The following ME3 variants were observed in gnomAD, a reference collection of about 807,000 sequenced individuals.
ME3 encodes malic enzyme 3, also known as NADP-dependent malic enzyme, mitochondrial.
Under a neutral mutation model 68.9 loss-of-function variants are expected in ME3, and 48 were observed. The observed-to-expected ratio is 0.70, with a 90% CI of 0.55 to 0.89. The LOEUF (loss-of-function observed/expected upper bound fraction) is 0.89, where lower values mean the gene tolerates loss of function less well. Ranked by LOEUF, ME3 falls within the 40% of genes least tolerant of loss-of-function variation. ME3 has a pLI of 0.00. For missense variants in ME3, 675 were observed against 797.4 expected (o/e 0.85, Z 1.85); for synonymous variants, 320 against 318.8 (o/e 1.00, Z -0.04).
At chr11:86,604,436 T>G (rs994502347) in intron 2 of ME3, among the ~76,000 whole-genome samples, 4 of 152,040 alleles carry the variant, frequency 2.6e-5, no homozygotes, top group Non-Finnish European at 5.9e-5. Context: ...CATAGGGTTG[T>G]CTCTTACAAG....
intron 2 of ME3, among the ~76,000 whole-genome samples, chr11:86,586,055 G>T (rs1343412803): frequency 6.6e-6 from 1 of 152,214 alleles, no homozygotes; most frequent in Non-Finnish European, 1.5e-5. Flanking sequence ...GGAGTGGTTT[G>T]AGGAAAGTTG....
At chr11:86,539,892 T>A (rs1211157512) in intron 4 of ME3, among the ~76,000 whole-genome samples, 1 of 152,226 alleles carries the variant, frequency 6.6e-6, no homozygotes, top group Non-Finnish European at 1.5e-5. Flanking sequence ...ACACTAAAGA[T>A]AGCTGATGAG....
chr11:86,618,298 T>TAA (rs1943110594), intron 2 of ME3, among the ~76,000 whole-genome samples: 1 of 4,036 alleles, frequency 2.5e-4, no homozygotes, highest in Non-Finnish European at 5.5e-4. Context: ...AGGCTCTGTC[T>TAA]CAAAAAAAAA....
intron 4 of ME3, among the ~76,000 whole-genome samples, chr11:86,555,011 C>A (rs1214442258): frequency 6.6e-6 from 1 of 152,064 alleles, no homozygotes; most frequent in Non-Finnish European, 1.5e-5. Context: ...GGGAGGGCTC[C>A]GTGGAGAAGT....
intron 2 of ME3, among the ~76,000 whole-genome samples, chr11:86,566,824 A>C (rs1957504117): frequency 1.3e-5 from 2 of 152,134 alleles, no homozygotes; most frequent in African/African-American, 4.8e-5. Flanking sequence ...AACCATTTGT[A>C]TTCTTGCCAC....
chr11:86,461,559 A>G (rs1950225636), intron 8 of ME3, among the ~76,000 whole-genome samples: 1 of 152,238 alleles, frequency 6.6e-6, no homozygotes, highest in African/African-American at 2.4e-5. Flanking sequence ...AGCCTCAGCC[A>G]GCTCCATGGG....
chr11:86,661,572 T>G (rs1946280132), intron 2 of ME3, among the ~76,000 whole-genome samples: 1 of 152,248 alleles, frequency 6.6e-6, no homozygotes, highest in African/African-American at 2.4e-5. Context: ...ATGACTATAC[T>G]CAGAGACAAT....
chr11:86,543,289 G>C (rs958849086), intron 4 of ME3, among the ~76,000 whole-genome samples: 1 of 152,194 alleles, frequency 6.6e-6, no homozygotes, highest in African/African-American at 2.4e-5. Context: ...GATAGGATCA[G>C]ATTCACACAT....
intron 2 of ME3, among the ~76,000 whole-genome samples, chr11:86,567,548 A>G (rs1565150516): frequency 6.6e-6 from 1 of 152,180 alleles, no homozygotes; most frequent in Non-Finnish European, 1.5e-5. Flanking sequence ...TAATTATGAC[A>G]TCATCTTTGT....
At chr11:86,524,321 G>A (rs1278118753) in intron 4 of ME3, among the ~76,000 whole-genome samples, 2 of 152,198 alleles carry the variant, frequency 1.3e-5, no homozygotes, top group African/African-American at 4.8e-5. Flanking sequence ...CAGCCAATGA[G>A]TCATTTATTT....
At position 86,472,126 on chromosome 11, in the gene ME3, A is replaced by C. The variant is rs1384230057; in HGVS notation, c.810-6926T>G. On this transcript the variant is annotated intron_variant, in intron 7 of 14. Transcript: ENST00000543262. ...ATGGAAGGAGGGAGGAGGGCATCTC[A>C]AGGAGAGGGAACAGCATATGCATGA... 4.6e-5 allele frequency among the ~76,000 whole-genome samples: 7 copies of C among 151,422 alleles called. No individual in the cohort carries two copies. In the East Asian group the frequency reaches 7.8e-4, roughly 17 times the overall value.
intron 2 of ME3, among the ~76,000 whole-genome samples, chr11:86,595,713 C>G (rs2139690910): frequency 6.6e-6 from 1 of 152,318 alleles, no homozygotes; most frequent in South Asian, 2.1e-4. Context: ...CTCACTATTT[C>G]TACTACACTC....
At chr11:86,446,411 T>G in exon 13 of ME3, 1 of 1,614,208 alleles carries the variant, frequency 6.2e-7, no homozygotes, top group South Asian at 1.1e-5. Flanking sequence ...ATTGTTTCCC[T>G]GCCCAGGAAT....
chr11:86,558,677 G>A (rs996931251), intron 3 of ME3, among the ~76,000 whole-genome samples: 1 of 152,122 alleles, frequency 6.6e-6, no homozygotes, highest in Non-Finnish European at 1.5e-5. Flanking sequence ...TCTAAGAGGG[G>A]GATTCCTTAT....
chr11:86,523,754 A>ACCT (rs143559584), intron 4 of ME3, among the ~76,000 whole-genome samples: 178 of 152,152 alleles, frequency 1.2e-3, no homozygotes, highest in African/African-American at 4.1e-3. Flanking sequence ...AAGGCCTTGA[A>ACCT]CCTCCATCAC....
At chr11:86,563,196 T>C (rs1957324705) in intron 2 of ME3, among the ~76,000 whole-genome samples, 1 of 152,190 alleles carries the variant, frequency 6.6e-6, no homozygotes, top group African/African-American at 2.4e-5. Context: ...AGTAATGGGA[T>C]TGCTGGGTCC....
Position 86,513,877 on chromosome 11 carries a change from AC to A in ME3, c.468-5011del, listed in dbSNP as rs537876926. On this transcript the variant is annotated intron_variant, in intron 4 of 14. Coordinates refer to ENST00000543262, the Ensembl canonical transcript of ME3. ...TTTAGCCTATTTTCACTCAGAAGAT[AC>A]CATTTTCTCCAGCAGTAACTAGTGA... Among the ~76,000 whole-genome samples the A allele has an allele frequency of 1.8e-4, 28 of 152,264 alleles. No individual in the cohort carries two copies. The South Asian group carries it at 3.7e-3, about 20-fold the overall frequency.
intron 4 of ME3, among the ~76,000 whole-genome samples, chr11:86,517,659 G>T (rs1953982646): frequency 6.6e-6 from 1 of 152,160 alleles, no homozygotes; most frequent in Non-Finnish European, 1.5e-5. Flanking sequence ...TGAGAGCAAA[G>T]GAAAAGAATT....
At chr11:86,628,812 C>T (rs910097687) in intron 2 of ME3, among the ~76,000 whole-genome samples, 7 of 152,060 alleles carry the variant, frequency 4.6e-5, no homozygotes, top group Admixed American at 2.0e-4. Flanking sequence ...AATTATGGGG[C>T]CTGTGAGCCT....
Sources: allele counts gnomAD v4.1 joint callset (sites outside exome capture counted in the v4.1 genomes callset), GRCh38; gene constraint gnomAD v4.1.1; transcripts MANE v1.5; gene names NCBI Gene and HGNC (gene_info 2026-07-23, HGNC 2026-07-21).